Variants in CCDC152 observed in about 807,000 individuals in gnomAD.
CCDC152 encodes the protein coiled-coil domain-containing protein 152.
Under a neutral mutation model 38.1 loss-of-function variants are expected in CCDC152, and 37 were observed. That is an observed-to-expected ratio of 0.97 (90% confidence interval 0.75 to 1.28). The LOEUF (loss-of-function observed/expected upper bound fraction) is 1.28. CCDC152 is among the 50% of genes most tolerant of loss of function. CCDC152 has a pLI of 0.00. For missense variants in CCDC152, 259 were observed against 292.1 expected (o/e 0.89, Z 0.83); for synonymous variants, 83 against 87.1 (o/e 0.95, Z 0.26).
chr5:42,782,348 A>G (rs1042998137), intron 5 of CCDC152, among the ~76,000 whole-genome samples: 1 of 152,224 alleles, frequency 6.6e-6, no homozygotes, highest in Non-Finnish European at 1.5e-5. Context: ...ATTTATTCAT[A>G]AAATTAAATA....
chr5:42,759,693 T>TA (rs1437608601), intron 2 of CCDC152, among the ~76,000 whole-genome samples: 1 of 152,230 alleles, frequency 6.6e-6, no homozygotes, highest in Non-Finnish European at 1.5e-5. Context: ...TGTTGTATTA[T>TA]AGACCACTTG....
At position 42,779,442 on chromosome 5, in the gene CCDC152, G is replaced by T; in HGVS notation, c.263-16G>T. On this transcript the variant is annotated splice_polypyrimidine_tract_variant and intron_variant, in intron 4 of 8. Transcript: ENST00000361970. ...AGTGCTATATATTATGATGTTCTTT[G>T]ATTATTCTTACACAGGTGAAAATGA... 1 of 1,376,166 alleles carries T rather than the reference G, an allele frequency of 7.3e-7. No individual in the cohort carries two copies. Among genetic ancestry groups the T allele is most frequent in the South Asian group, 1.3e-5 (1 of 78,428 alleles). 85.2% of individuals were successfully genotyped at this position (1,376,166 alleles called of 1,614,324 possible).
chr5:42,800,775 C>T lies in CCDC152; in HGVS notation c.*994C>T. ...CTGATTCTTTCAGCGTCAACTGGCA[C>T]TGGCTTCTGTGGGTATAAGCTGCTG... is the stretch of plus-strand genomic sequence containing the variant. On this transcript the variant is annotated 3_prime_UTR_variant, in exon 9 of 9. Transcript: ENST00000361970. 1 of 1,613,494 alleles carries T rather than the reference C, an allele frequency of 6.2e-7. No homozygotes were observed.
intron 3 of CCDC152, among the ~76,000 whole-genome samples, chr5:42,764,608 G>A (rs1759601131): frequency 6.6e-6 from 1 of 152,136 alleles, no homozygotes; most frequent in Non-Finnish European, 1.5e-5. Context: ...TTGGATGCAA[G>A]GATGCTTCAA....
intron 4 of CCDC152, among the ~76,000 whole-genome samples, chr5:42,773,976 C>T (rs1019937953): frequency 5.3e-5 from 8 of 152,120 alleles, no homozygotes; most frequent in African/African-American, 1.9e-4. Flanking sequence ...TCAAACGTAC[C>T]TCATCTTTCT....
At chr5:42,789,488 G>A (rs978493116) in intron 6 of CCDC152, among the ~76,000 whole-genome samples, 2 of 152,106 alleles carry the variant, frequency 1.3e-5, no homozygotes, top group Non-Finnish European at 2.9e-5. Flanking sequence ...ATGAGCCACT[G>A]CACCTAGCCC....
chr5:42,780,373 T>C (rs1759828280), intron 5 of CCDC152, among the ~76,000 whole-genome samples: 1 of 152,160 alleles, frequency 6.6e-6, no homozygotes, highest in Non-Finnish European at 1.5e-5. Flanking sequence ...TTTGAGATGG[T>C]TTTTAAGTAT....
intron 6 of CCDC152, among the ~76,000 whole-genome samples, chr5:42,788,513 G>A (rs1163808110): frequency 2.6e-5 from 4 of 151,958 alleles, no homozygotes; most frequent in Admixed American, 1.3e-4. Flanking sequence ...GCCTGCCTTG[G>A]CCTCCCAAAG....
At chr5:42,795,498 GA>G (rs1760062277) in intron 6 of CCDC152, among the ~76,000 whole-genome samples, 1 of 152,098 alleles carries the variant, frequency 6.6e-6, no homozygotes, top group Admixed American at 6.5e-5. Context: ...TAATGATATA[GA>G]AAATTTAAGC....
Position 42,801,309 on chromosome 5 carries a change from C to T in CCDC152, c.*1528C>T. 1.2e-6 allele frequency: 2 copies of T among 1,609,272 alleles called. No homozygotes were observed. The highest frequency in any genetic ancestry group is 1.7e-6 in the Non-Finnish European group (2 of 1,177,816). On this transcript the variant is annotated 3_prime_UTR_variant, in exon 9 of 9. Coordinates refer to ENST00000361970, the MANE Select transcript of CCDC152 (RefSeq NM_001134848.2). ...CACAGTAGCCAAAGATACACGTTTA[C>T]AAAAGTCTTCATCTTTGAGAGTCTG...
chr5:42,798,779 C>CA (rs1218459526), intron 7 of CCDC152, among the ~76,000 whole-genome samples: 3 of 138,918 alleles, frequency 2.2e-5, no homozygotes, highest in African/African-American at 7.5e-5. Flanking sequence ...GAATATTGTG[C>CA]AAAAACAAAA....
At chr5:42,761,357 G>A (rs1303819200) in intron 2 of CCDC152, among the ~76,000 whole-genome samples, 1 of 152,210 alleles carries the variant, frequency 6.6e-6, no homozygotes, top group Non-Finnish European at 1.5e-5. Context: ...GCTCACGCCT[G>A]TAATCCCAAC....
chr5:42,782,842 A>G (rs1403134857), intron 5 of CCDC152, among the ~76,000 whole-genome samples: 1 of 151,972 alleles, frequency 6.6e-6, no homozygotes, highest in African/African-American at 2.4e-5. Context: ...TCATAAATAT[A>G]TATAATTTTT....
intron 6 of CCDC152, among the ~76,000 whole-genome samples, chr5:42,790,788 C>G (rs1477344140): frequency 6.6e-6 from 1 of 152,182 alleles, no homozygotes; most frequent in Non-Finnish European, 1.5e-5. Context: ...ATAAGCTTGC[C>G]TTCGTAGCCC....
At position 42,782,963 on chromosome 5, in the gene CCDC152, G is replaced by A. The variant is rs139052039; in HGVS notation, c.328-511G>A. On this transcript the variant is annotated intron_variant, in intron 5 of 8. Transcript: ENST00000361970. ...CTCACTGCAAGCTTCAGGGCCTCCC[G>A]GGTTCACGCCATTCTCCTGCCTCAG... Among the ~76,000 whole-genome samples the A allele has an allele frequency of 4.1e-3, 626 of 151,748 alleles. 5 individuals carry two copies. Among genetic ancestry groups the A allele is most frequent in the African/African-American group, 0.013 (537 of 41,376 alleles).
In CCDC152 at chr5:42,781,420, G is replaced by A. The variant is rs140394497; in HGVS notation, c.327+1898G>A. On this transcript the variant is annotated intron_variant, in intron 5 of 8. Transcript: ENST00000361970. ...ATCTCTTGAACTGAGATAATATGGA[G>A]GAATGTATGCCAATTTTTAATTGTG... 1.3e-3 allele frequency among the ~76,000 whole-genome samples: 204 copies of A among 152,162 alleles called. 1 individual carries two copies. The highest frequency in any genetic ancestry group is 4.7e-3 in the African/African-American group (194 of 41,482).
In CCDC152 at chr5:42,783,567, C is replaced by G; in HGVS notation, c.421C>G (p.Gln141Glu). The G allele has an allele frequency of 7.4e-7, 1 of 1,358,568 alleles. No homozygotes were observed. Among genetic ancestry groups the G allele is most frequent in the South Asian group, 1.9e-5 (1 of 52,008 alleles). The allele number at this position is 1,358,568 out of a possible 1,614,324, so 84.2% of individuals were successfully genotyped here. A position where few individuals can be genotyped will look rare whatever the true frequency, so the allele number is the denominator to read the frequency against. The stretch of plus-strand genomic sequence containing the variant: ...AATAAGCAAACTTTATCAGGACATG[C>G]AGAGAAAAGGTAAGTTTAAAATAAA... ...KEISKLYQDM[Q>E]RKVELNEEKH... Residue 141 changes from glutamine to glutamate, a missense_variant, in exon 6 of 9, where the codon CAG (glutamine) becomes GAG (glutamate). Coordinates refer to ENST00000361970, the MANE Select transcript of CCDC152 (RefSeq NM_001134848.2).
At chr5:42,764,285 C>A (rs7717586) in intron 3 of CCDC152, among the ~76,000 whole-genome samples, 1 of 152,102 alleles carries the variant, frequency 6.6e-6, no homozygotes, top group Non-Finnish European at 1.5e-5. Flanking sequence ...TGGCAGGCGC[C>A]TGTAATCCCA....
intron 3 of CCDC152, among the ~76,000 whole-genome samples, chr5:42,768,141 T>C (rs1759649972): frequency 6.6e-6 from 1 of 152,202 alleles, no homozygotes; most frequent in South Asian, 2.1e-4. Flanking sequence ...TACATGAGAC[T>C]GAGTGCAGAA....
Sources: allele counts gnomAD v4.1 joint callset (sites outside exome capture counted in the v4.1 genomes callset), GRCh38; gene constraint gnomAD v4.1.1; transcripts MANE v1.5; gene names NCBI Gene and HGNC (gene_info 2026-07-23, HGNC 2026-07-21).